The following FARSB variants were observed in gnomAD, a reference collection of about 807,000 sequenced individuals.
The protein encoded by FARSB is phenylalanine--tRNA ligase beta subunit.
Under a neutral mutation model 69.6 loss-of-function variants are expected in FARSB, and 40 were observed. That is an observed-to-expected ratio of 0.57 (90% confidence interval 0.45 to 0.75). The LOEUF is 0.75. FARSB is among the 30% of genes least tolerant of loss of function. FARSB has a pLI of 0.00. For missense variants in FARSB, 632 were observed against 722.9 expected, an observed-to-expected ratio of 0.87 and a Z score of 1.44; for synonymous variants, 235 against 247.2, an observed-to-expected ratio of 0.95 and a Z score of 0.46.
chr2:222,576,275 T>C lies in FARSB; in HGVS notation c.1619-4253A>G, dbSNP rs115051443. On this transcript the variant is annotated intron_variant, in intron 16 of 16. Coordinates refer to ENST00000281828, the MANE Select transcript of FARSB (RefSeq NM_005687.5). ...ACAATTTTATTTTTCCTTTTTTTTTTACATTACTAATACATGATGTGAGGC... is the reference window on the plus strand; with the variant it reads ...ACAATTTTATTTTTCCTTTTTTTTTCACATTACTAATACATGATGTGAGGC... 2.9e-3 allele frequency among the ~76,000 whole-genome samples: 446 copies of C among 152,206 alleles called. 1 individual carries two copies. Among genetic ancestry groups the C allele is most frequent in the South Asian group, 5.6e-3 (27 of 4,818 alleles).
chr2:222,571,814 C>A lies in FARSB; in HGVS notation c.*57G>T. 6.8e-7 allele frequency: 1 copy of A among 1,474,848 alleles called. No individual in the cohort carries two copies. The highest frequency in any genetic ancestry group is 9.3e-7 in the Non-Finnish European group (1 of 1,072,130). 91.4% of individuals were successfully genotyped at this position (1,474,848 alleles called of 1,614,324 possible). ...TTCCCTGTGGAGGAGGACTTAAGGA[C>A]ACTAGGGGAGGAGAAAGGGACACCT... On this transcript the variant is annotated 3_prime_UTR_variant, in exon 17 of 17. Coordinates refer to ENST00000281828, the MANE Select transcript of FARSB (RefSeq NM_005687.5).
intron 2 of FARSB, 74 bp downstream of exon 2, chr2:222,648,666 G>T: frequency 1.1e-6 from 1 of 934,350 alleles, no homozygotes; most frequent in Non-Finnish European, 1.8e-6. Context: ...TAACAAAGAT[G>T]AAATACAGTA....
In FARSB at chr2:222,639,678, A is replaced by G; in HGVS notation, c.357T>C (p.Pro119=). The G allele has an allele frequency of 6.4e-7, 1 of 1,566,650 alleles. No individual in the cohort carries two copies. The change falls in exon 5 of 17, where the codon CCT becomes CCC. Residue 119 remains proline, a synonymous_variant. Coordinates refer to ENST00000281828, the MANE Select transcript of FARSB (RefSeq NM_005687.5). ...TACGGAGAACTGCTGCTACCGCAAA[A>G]GGACGTATCTTAGCTGTCTGAAATT... ...IITEETAKIR[P]FAVAAVLRNI...
intron 5 of FARSB, among the ~76,000 whole-genome samples, chr2:222,637,367 G>A (rs1244328400): frequency 1.3e-5 from 2 of 151,866 alleles, no homozygotes; most frequent in East Asian, 3.9e-4. Flanking sequence ...AAGGTGGGCA[G>A]AGTCCCAGAG....
intron 16 of FARSB, among the ~76,000 whole-genome samples, chr2:222,581,207 T>C (rs1038434586): frequency 6.6e-6 from 1 of 152,238 alleles, no homozygotes; most frequent in African/African-American, 2.4e-5. Flanking sequence ...ACGGGCCTCC[T>C]GTCATTTTTA....
At chr2:222,611,541 G>A (rs1690851995) in intron 15 of FARSB, among the ~76,000 whole-genome samples, 1 of 151,994 alleles carries the variant, frequency 6.6e-6, no homozygotes, top group Non-Finnish European at 1.5e-5. Flanking sequence ...TCAACCTTCT[G>A]GGCTCAAAAG....
Position 222,622,635 on chromosome 2 carries a change from C to T in FARSB, c.1251+1015G>A, listed in dbSNP as rs77571500. On this transcript the variant is annotated intron_variant, in intron 13 of 16. Coordinates refer to ENST00000281828, the MANE Select transcript of FARSB (RefSeq NM_005687.5). Reference sequence around the variant, plus strand: ...ATATGTGCAAAGATGAATGACATGGCATTACAGACCTAGTGTACACGGTAT... The same window carrying T: ...ATATGTGCAAAGATGAATGACATGGTATTACAGACCTAGTGTACACGGTAT... 6.0e-4 allele frequency among the ~76,000 whole-genome samples: 91 copies of T among 152,242 alleles called. 1 individual carries two copies. The East Asian group carries it at 0.016, about 26-fold the overall frequency.
chr2:222,614,164 T>C (rs998043129), intron 14 of FARSB, among the ~76,000 whole-genome samples: 8 of 152,188 alleles, frequency 5.3e-5, no homozygotes, highest in Admixed American at 5.2e-4. Context: ...AATCATAAAT[T>C]TGATTAAAAA....
At chr2:222,649,834 A>T (rs1437237088) in intron 1 of FARSB, among the ~76,000 whole-genome samples, 17 of 152,330 alleles carry the variant, frequency 1.1e-4, no homozygotes, top group Admixed American at 1.1e-3. Flanking sequence ...CCAAAAATTG[A>T]ACACAAAACA....
intron 1 of FARSB, among the ~76,000 whole-genome samples, chr2:222,654,696 A>T (rs542177275): frequency 6.6e-6 from 1 of 152,348 alleles, no homozygotes. Flanking sequence ...CTTACGAAGA[A>T]TATCACATAG....
In FARSB at chr2:222,613,830, T is replaced by C. The variant is rs560314032; in HGVS notation, c.1443A>G (p.Val481=). The C allele has an allele frequency of 4.0e-5, 63 of 1,591,432 alleles. 1 individual carries two copies. In the South Asian group the frequency reaches 5.9e-4, roughly 15 times the overall value. Residue 481 remains valine, a synonymous_variant, in exon 15 of 17, where the codon GTA becomes GTG. Coordinates refer to ENST00000281828, the MANE Select transcript of FARSB (RefSeq NM_005687.5). ...PLKLFEISDI[V]IKDSNTDVGA... is the part of the protein sequence containing the mutation. ...TCTTACCTGTATTAGAATCTTTTATTACAATGTCAGAGATTTCAAACAGTT... is the reference window on the plus strand; with the variant it reads ...TCTTACCTGTATTAGAATCTTTTATCACAATGTCAGAGATTTCAAACAGTT...
At chr2:222,594,093 C>CGAA (rs1690347355) in intron 16 of FARSB, among the ~76,000 whole-genome samples, 1 of 51,548 alleles carries the variant, frequency 1.9e-5, no homozygotes, top group South Asian at 1.1e-3. Context: ...CCCGCCTCTA[C>CGAA]AAAAAAAAAA....
Position 222,634,467 on chromosome 2 carries a change from C to A in FARSB, c.530G>T (p.Arg177Leu). The A allele has an allele frequency of 6.2e-7, 1 of 1,611,988 alleles. No individual in the cohort carries two copies. Among genetic ancestry groups the A allele is most frequent in the African/African-American group, 1.3e-5 (1 of 74,962 alleles). Residue 177 changes from arginine (R) to leucine (L), a missense_variant, in exon 6 of 17, where the codon CGT (arginine) becomes CTT (leucine). Physicochemically the swap from Arg to Leu is moderately radical, Grantham distance 102. Transcript: ENST00000281828. ...LSGPFTYTAK[R>L]PSDIKFKPLN... ...AGGCTTGAATTTGATATCTGAAGGA[C>A]GCTTTGCAGTATAAGTAAATGGGCC...
chr2:222,642,719 C>T (rs971628905), intron 3 of FARSB, 132 bp downstream of exon 3: 32 of 553,460 alleles, frequency 5.8e-5, no homozygotes, highest in Non-Finnish European at 8.2e-5. Flanking sequence ...CTCAAATCAA[C>T]CCTCTATTGA....
intron 5 of FARSB, among the ~76,000 whole-genome samples, chr2:222,636,521 T>G (rs1173018693): frequency 6.6e-6 from 1 of 151,304 alleles, no homozygotes; most frequent in Non-Finnish European, 1.5e-5. Flanking sequence ...ACCTTACATG[T>G]CCAAAAGAAA....
chr2:222,646,644 A>G (rs1172708717), intron 2 of FARSB, among the ~76,000 whole-genome samples: 3 of 152,202 alleles, frequency 2.0e-5, no homozygotes, highest in Non-Finnish European at 4.4e-5. Context: ...TTTAATGAGG[A>G]GGTATAATCT....
At chr2:222,599,496 A>T (rs1392412405) in intron 16 of FARSB, among the ~76,000 whole-genome samples, 1 of 152,152 alleles carries the variant, frequency 6.6e-6, no homozygotes, top group East Asian at 1.9e-4. Flanking sequence ...TTTCAGAATA[A>T]CTTCTGAGGT....
intron 15 of FARSB, among the ~76,000 whole-genome samples, chr2:222,610,616 G>A (rs1015661616): frequency 5.0e-4 from 76 of 152,204 alleles, no homozygotes; most frequent in African/African-American, 1.8e-3. Context: ...CCCTTTAATG[G>A]ACAGCTAAGG....
chr2:222,590,629 G>T (rs1234905813), intron 16 of FARSB, among the ~76,000 whole-genome samples: 2 of 147,290 alleles, frequency 1.4e-5, no homozygotes, highest in African/African-American at 5.0e-5. Context: ...AGAAATTATT[G>T]TTAATTTTGT....
Sources: allele counts gnomAD v4.1 joint callset (sites outside exome capture counted in the v4.1 genomes callset), GRCh38; gene constraint gnomAD v4.1.1; transcripts MANE v1.5; gene names NCBI Gene and HGNC (gene_info 2026-07-23, HGNC 2026-07-21).